Variants in HMCN1 observed in about 807,000 individuals in gnomAD.
The protein encoded by HMCN1 is hemicentin-1.
A neutral mutation model predicts 625.9 loss-of-function variants in HMCN1; 321 were observed. That is an observed-to-expected ratio of 0.51 (90% CI 0.47 to 0.56). The LOEUF is 0.56. HMCN1 is among the 20% of genes least tolerant of loss of function. The pLI, the probability that HMCN1 is intolerant of heterozygous loss-of-function variation, is 0.00. For synonymous variants in HMCN1, 2,425 were observed against 2,417.6 expected, an observed-to-expected ratio of 1.00 and a Z score of -0.09; for missense variants, 6,588 against 6,887.3, an observed-to-expected ratio of 0.96 and a Z score of 1.54.
At chr1:185,836,766 A>C (rs1242315496) in intron 1 of HMCN1, among the ~76,000 whole-genome samples, 2 of 151,880 alleles carry the variant, frequency 1.3e-5, no homozygotes, top group African/African-American at 2.4e-5. Context: ...TAGTTTTTCA[A>C]ACCTCACCCT....
chr1:186,069,400 C>T (rs776714415), intron 50 of HMCN1, among the ~76,000 whole-genome samples: 2 of 152,156 alleles, frequency 1.3e-5, no homozygotes, highest in Non-Finnish European at 2.9e-5. Context: ...AGGATCTTAG[C>T]TAGAGTGGTA....
chr1:186,078,885 T>C (rs1435215389), intron 55 of HMCN1, among the ~76,000 whole-genome samples: 1 of 152,180 alleles, frequency 6.6e-6, no homozygotes, highest in Non-Finnish European at 1.5e-5. Flanking sequence ...AGGGAAAAGA[T>C]AAGTGACATA....
intron 97 of HMCN1, among the ~76,000 whole-genome samples, chr1:186,164,347 C>T (rs1651735528): frequency 6.6e-6 from 1 of 151,104 alleles, no homozygotes; most frequent in Non-Finnish European, 1.5e-5. Context: ...TCACGCCATT[C>T]TGCTGCCTCA....
intron 36 of HMCN1, among the ~76,000 whole-genome samples, chr1:186,033,089 C>A (rs1655580178): frequency 6.6e-6 from 1 of 151,892 alleles, no homozygotes; most frequent in Admixed American, 6.6e-5. Context: ...CACACACACA[C>A]ACACACCATG....
At chr1:185,937,102 T>A (rs1667850077) in intron 11 of HMCN1, among the ~76,000 whole-genome samples, 1 of 152,242 alleles carries the variant, frequency 6.6e-6, no homozygotes, top group Non-Finnish European at 1.5e-5. Flanking sequence ...AAGAAATGGA[T>A]GCTTTGAAAG....
chr1:186,093,339 C>A, intron 65 of HMCN1, 81 bp downstream of exon 65: 1 of 1,597,530 alleles, frequency 6.3e-7, no homozygotes, highest in Non-Finnish European at 8.6e-7. Flanking sequence ...CAGCAGGTGT[C>A]TGGAGCATTT....
chr1:186,123,363 A>C, intron 81 of HMCN1, 143 bp downstream of exon 81: 1 of 955,792 alleles, frequency 1.0e-6, no homozygotes, highest in South Asian at 1.4e-5. Flanking sequence ...GTGTAGGTGC[A>C]CTTCAAATCT....
chr1:186,016,158 G>C lies in HMCN1; in HGVS notation c.5110G>C (p.Glu1704Gln). 1 of 1,613,502 alleles carries C rather than the reference G, an allele frequency of 6.2e-7. No homozygotes were observed. Among genetic ancestry groups the C allele is most frequent in the Non-Finnish European group, 8.5e-7 (1 of 1,179,556 alleles). Residue 1704 changes from glutamate (E) to glutamine (Q), a missense_variant, in exon 32 of 107, where the codon GAA (glutamate) becomes CAA (glutamine). Around this residue, in one of 3 missense-constraint regions of HMCN1, gnomAD observed 4,628 missense variants for 4,853.1 expected, o/e 0.95. Coordinates refer to ENST00000271588, the MANE Select transcript of HMCN1 (RefSeq NM_031935.3). ...GKKLEIMSAQ[E>Q]IDRGQYICVA... ...GAAACTCGAAATCATGAGTGCCCAA[G>C]AAATTGATCGAGGACAGTACATATG...
chr1:186,150,839 A>C (rs532797203), intron 93 of HMCN1, among the ~76,000 whole-genome samples: 4 of 151,988 alleles, frequency 2.6e-5, no homozygotes, highest in African/African-American at 9.6e-5. Context: ...CACATACTAG[A>C]TGTTTACCAT....
At chr1:185,984,073 G>T (rs1159039836) in intron 18 of HMCN1, 96 bp from the exon 19 acceptor site, 39 of 894,360 alleles carry the variant, frequency 4.4e-5, no homozygotes, top group Non-Finnish European at 6.5e-5. Context: ...TAGACTTTTA[G>T]TAACCCAGTT....
At chr1:185,907,118 T>A (rs1666140506) in intron 4 of HMCN1, among the ~76,000 whole-genome samples, 1 of 151,898 alleles carries the variant, frequency 6.6e-6, no homozygotes, top group Non-Finnish European at 1.5e-5. Context: ...AGCCGAGTGA[T>A]CCATATCCTT....
At chr1:185,900,545 C>T (rs903142937) in intron 4 of HMCN1, among the ~76,000 whole-genome samples, 29 of 152,036 alleles carry the variant, frequency 1.9e-4, no homozygotes, top group Non-Finnish European at 3.8e-4. Flanking sequence ...ACATAGATGG[C>T]TCATCTTTTA....
Position 186,116,977 on chromosome 1 carries a change from T to C in HMCN1, c.11562-17T>C. ...AACCTACATATAGTATCTCATGCTT[T>C]GAAATGTGTCTTCTAGGCTCCTTTC... On this transcript the variant is annotated splice_polypyrimidine_tract_variant and intron_variant, in intron 75 of 106. Coordinates refer to ENST00000271588, the MANE Select transcript of HMCN1 (RefSeq NM_031935.3). The C allele has an allele frequency of 6.2e-7, 1 of 1,612,218 alleles. No homozygotes were observed. The highest frequency in any genetic ancestry group is 8.5e-7 in the Non-Finnish European group (1 of 1,178,682).
At chr1:185,996,833 A>G (rs954557432) in intron 24 of HMCN1, among the ~76,000 whole-genome samples, 2 of 152,156 alleles carry the variant, frequency 1.3e-5, no homozygotes, top group Admixed American at 6.6e-5. Flanking sequence ...ATGCACTGAC[A>G]GGGGGCACTT....
chr1:185,831,013 C>G (rs1029523942), intron 1 of HMCN1, among the ~76,000 whole-genome samples: 1 of 152,122 alleles, frequency 6.6e-6, no homozygotes, highest in Non-Finnish European at 1.5e-5. Context: ...ACTTCAAAAA[C>G]TTGATAACAT....
intron 104 of HMCN1, among the ~76,000 whole-genome samples, chr1:186,181,388 CT>C (rs1005663322): frequency 2.0e-5 from 3 of 152,104 alleles, no homozygotes; most frequent in Non-Finnish European, 4.4e-5. Flanking sequence ...TCTCACCCTC[CT>C]TTTTTTGCCA....
chr1:186,160,884 A>G (rs1477567825), intron 97 of HMCN1, among the ~76,000 whole-genome samples: 6 of 150,920 alleles, frequency 4.0e-5, no homozygotes, highest in African/African-American at 9.8e-5. Flanking sequence ...GTGCTGAAAA[A>G]AATGTATATT....
chr1:186,148,724 C>A (rs1650484603), intron 93 of HMCN1, among the ~76,000 whole-genome samples: 1 of 151,962 alleles, frequency 6.6e-6, no homozygotes, highest in East Asian at 1.9e-4. Context: ...CCAGGCTGGT[C>A]TTGAACTCCT....
chr1:185,892,809 C>A (rs1036794314), intron 4 of HMCN1, among the ~76,000 whole-genome samples: 1 of 152,202 alleles, frequency 6.6e-6, no homozygotes, highest in Non-Finnish European at 1.5e-5. Flanking sequence ...CAGAGGCAGG[C>A]AGGCCTCCTT....
Sources: allele counts gnomAD v4.1 joint callset (sites outside exome capture counted in the v4.1 genomes callset), GRCh38; gene constraint gnomAD v4.1.1; regional missense constraint gnomAD v4.1.1; transcripts MANE v1.5; gene names NCBI Gene and HGNC (gene_info 2026-07-23, HGNC 2026-07-21).